Variants in SERINC5 observed in about 807,000 individuals in gnomAD.
SERINC5 encodes the protein serine incorporator 5.
In SERINC5, 41 loss-of-function variants were observed where a neutral mutation model predicts 63.1. That is an observed-to-expected ratio of 0.65 (90% CI 0.51 to 0.84). SERINC5 has a LOEUF of 0.84. Among genes scored for constraint, SERINC5 ranks in the 40% least tolerant of loss-of-function variants. The pLI is 0.00. For synonymous variants in SERINC5, 222 were observed against 215.2 expected (o/e 1.03, Z -0.28); for missense variants, 523 against 573.0 (o/e 0.91, Z 0.89).
At chr5:80,128,045 T>G (rs557407700) in intron 11 of SERINC5, among the ~76,000 whole-genome samples, 1 of 152,376 alleles carries the variant, frequency 6.6e-6, no homozygotes, top group African/African-American at 2.4e-5. Flanking sequence ...TTACTAATAT[T>G]TTGAGTCTAA....
chr5:80,228,428 C>CA (rs1397355877), intron 1 of SERINC5, among the ~76,000 whole-genome samples: 1 of 151,732 alleles, frequency 6.6e-6, no homozygotes, highest in African/African-American at 2.4e-5. Flanking sequence ...CCAAATCTTT[C>CA]ATCATTGCCT....
At chr5:80,127,570 CTTT>C (rs1744792059) in intron 11 of SERINC5, among the ~76,000 whole-genome samples, 1 of 152,144 alleles carries the variant, frequency 6.6e-6, no homozygotes, top group Non-Finnish European at 1.5e-5. Context: ...TCTGAGTTTT[CTTT>C]ATGTCTGAAG....
rs1005582301 is a variant in SERINC5 at position 80,141,542 on chromosome 5, G to A, written c.*2121C>T. Reference sequence around the variant, plus strand: ...GGGCTCTGCTAGACCTCAGCAGGAGGAAAACAATGAAACTAGTCACAATAC... The same window carrying A: ...GGGCTCTGCTAGACCTCAGCAGGAGAAAAACAATGAAACTAGTCACAATAC... On this transcript the variant is annotated 3_prime_UTR_variant, in exon 12 of 12. Coordinates refer to ENST00000507668, the MANE Select transcript of SERINC5 (RefSeq NM_001174072.3). 2.4e-5 allele frequency: 24 copies of A among 985,362 alleles called. No individual in the cohort carries two copies. Among genetic ancestry groups the A allele is most frequent in the Admixed American group, 6.2e-5 (1 of 16,256 alleles). The allele number at this position is 985,362 out of a possible 1,614,324, so 61.0% of individuals were successfully genotyped here. A position where few individuals can be genotyped will look rare whatever the true frequency, so the allele number is the denominator to read the frequency against.
intron 2 of SERINC5, among the ~76,000 whole-genome samples, chr5:80,180,511 T>C (rs539142170): frequency 2.6e-4 from 39 of 151,932 alleles, no homozygotes; most frequent in Non-Finnish European, 5.6e-4. Context: ...GAGGCAAGAG[T>C]CTCAATGGGG....
chr5:80,177,835 C>T lies in SERINC5; in HGVS notation c.374+51G>A, dbSNP rs528756729. The T allele has an allele frequency of 1.9e-4, 279 of 1,432,602 alleles. No individual in the cohort carries two copies. The African/African-American group carries it at 3.7e-3, about 19-fold the overall frequency. 88.7% of individuals were successfully genotyped at this position (1,432,602 alleles called of 1,614,324 possible). A position where few individuals can be genotyped will look rare whatever the true frequency, so the allele number is the denominator to read the frequency against. ...GGCAGATGGGATCCTGGACTACTGT[C>T]CTGAACATAAGAAAGGAGAAAGCAA... On this transcript the variant is annotated intron_variant, in intron 3 of 11. Transcript: ENST00000507668.
chr5:80,213,694 C>A (rs1007036737), intron 1 of SERINC5, among the ~76,000 whole-genome samples: 1 of 152,204 alleles, frequency 6.6e-6, no homozygotes, highest in African/African-American at 2.4e-5. Context: ...CCCATGCAAA[C>A]TCTGGCCTCA....
chr5:80,186,894 G>A (rs1054759470), intron 2 of SERINC5, among the ~76,000 whole-genome samples: 10 of 152,030 alleles, frequency 6.6e-5, no homozygotes, highest in African/African-American at 1.9e-4. Flanking sequence ...GGTGGCTCAC[G>A]TATGTAATCC....
chr5:80,234,512 A>G (rs933596232), intron 1 of SERINC5, among the ~76,000 whole-genome samples: 56 of 152,180 alleles, frequency 3.7e-4, no homozygotes, highest in Non-Finnish European at 2.9e-4. Context: ...ATCACACACT[A>G]CCACCACTCC....
chr5:80,174,710 C>A (rs1242004732), intron 5 of SERINC5, among the ~76,000 whole-genome samples: 1 of 151,922 alleles, frequency 6.6e-6, no homozygotes, highest in Non-Finnish European at 1.5e-5. Context: ...GAGACCCGTA[C>A]GAGCAGGGGA....
At chr5:80,117,178 G>A (rs941943046) in intron 11 of SERINC5, among the ~76,000 whole-genome samples, 13 of 152,144 alleles carry the variant, frequency 8.5e-5, no homozygotes, top group East Asian at 1.9e-4. Flanking sequence ...AAACTAACAC[G>A]GAAGATGGCT....
intron 11 of SERINC5, among the ~76,000 whole-genome samples, chr5:80,144,291 A>G (rs1330495424): frequency 6.6e-6 from 1 of 152,210 alleles, no homozygotes; most frequent in Non-Finnish European, 1.5e-5. Flanking sequence ...CTTTTTGATT[A>G]TCACCAATGA....
chr5:80,164,577 T>G (rs572756594), intron 7 of SERINC5, among the ~76,000 whole-genome samples: 1 of 151,906 alleles, frequency 6.6e-6, no homozygotes, highest in South Asian at 2.1e-4. Context: ...AGGGACAGGG[T>G]TTCACCATGT....
downstream of SERINC5, among the ~76,000 whole-genome samples, chr5:80,136,918 T>C (rs1580042820): frequency 3.3e-5 from 5 of 151,204 alleles, no homozygotes; most frequent in South Asian, 1.0e-3. Context: ...GGCAGATCAC[T>C]TGAGGTCAGG....
chr5:80,249,518 A>G (rs1001127971), intron 1 of SERINC5, among the ~76,000 whole-genome samples: 2 of 151,614 alleles, frequency 1.3e-5, no homozygotes, highest in Admixed American at 1.3e-4. Context: ...AATTATAAAT[A>G]TCGGCCGGGC....
downstream of SERINC5, among the ~76,000 whole-genome samples, chr5:80,111,266 G>A (rs968429143): frequency 1.1e-4 from 16 of 152,128 alleles, no homozygotes; most frequent in African/African-American, 3.4e-4. Context: ...ACCGAGAGAC[G>A]GCTAGTGCTC....
At chr5:80,230,494 C>T (rs1478540021) in intron 1 of SERINC5, among the ~76,000 whole-genome samples, 2 of 143,998 alleles carry the variant, frequency 1.4e-5, no homozygotes, top group African/African-American at 5.2e-5. Context: ...TGTTTGCCAA[C>T]TACTGATTTC....
intron 1 of SERINC5, among the ~76,000 whole-genome samples, chr5:80,253,210 T>A (rs1752506061): frequency 6.6e-6 from 1 of 152,194 alleles, no homozygotes; most frequent in Non-Finnish European, 1.5e-5. Context: ...TGTCCCACTG[T>A]ACTCACTCCT....
Position 80,177,867 on chromosome 5 carries a change from A to G in SERINC5, c.374+19T>C. 6.3e-7 allele frequency: 1 copy of G among 1,586,338 alleles called. No homozygotes were observed. The highest frequency in any genetic ancestry group is 8.6e-7 in the Non-Finnish European group (1 of 1,167,036). Reference sequence around the variant, plus strand: ...ATAAGAAAGGAGAAAGCAATCCCCAAGAAGACTAAAATACTTACCCATTGT... The same window carrying G: ...ATAAGAAAGGAGAAAGCAATCCCCAGGAAGACTAAAATACTTACCCATTGT... On this transcript the variant is annotated intron_variant, in intron 3 of 11. Transcript: ENST00000507668.
At chr5:80,118,970 C>A (rs781610129) in intron 11 of SERINC5, among the ~76,000 whole-genome samples, 46 of 152,112 alleles carry the variant, frequency 3.0e-4, no homozygotes, top group Non-Finnish European at 4.9e-4. Context: ...ATATTCAGTC[C>A]ATTACACCAA....
Sources: allele counts gnomAD v4.1 joint callset (sites outside exome capture counted in the v4.1 genomes callset), GRCh38; gene constraint gnomAD v4.1.1; transcripts MANE v1.5; gene names NCBI Gene and HGNC (gene_info 2026-07-23, HGNC 2026-07-21).